ROBO2: variants seen among roughly 807,000 people sequenced by gnomAD.
ROBO2 encodes the protein roundabout homolog 2.
ROBO2 carries 53 observed loss-of-function variants against 160.8 expected under a neutral mutation model. That is an observed-to-expected ratio of 0.33 (90% CI 0.26 to 0.41). The LOEUF (loss-of-function observed/expected upper bound fraction) is 0.41, where lower values mean the gene tolerates loss of function less well. Ranked by LOEUF, ROBO2 falls within the 10% of genes least tolerant of loss-of-function variation. The probability of loss-of-function intolerance (pLI) is 1.00; values close to 1 mark genes in which losing one functional copy is unlikely to be tolerated. For synonymous variants in ROBO2, 664 were observed against 611.7 expected (o/e 1.09, Z -1.26); for missense variants, 1,577 against 1,722.4 (o/e 0.92, Z 1.49).
chr3:76,345,323 G>T (rs910339460), intron 2 of ROBO2, among the ~76,000 whole-genome samples: 1 of 151,854 alleles, frequency 6.6e-6, no homozygotes, highest in Non-Finnish European at 1.5e-5. Context: ...TTTTTCTGTC[G>T]CTCTTTGTAA....
intron 2 of ROBO2, among the ~76,000 whole-genome samples, chr3:76,567,652 T>TATATAC (rs1404175553): frequency 1.6e-5 from 1 of 63,956 alleles, no homozygotes; most frequent in African/African-American, 6.5e-5. Context: ...TATATATATA[T>TATATAC]ACACATACAC....
At chr3:76,270,413 A>G (rs575400251) in intron 2 of ROBO2, among the ~76,000 whole-genome samples, 6 of 152,156 alleles carry the variant, frequency 3.9e-5, no homozygotes, top group African/African-American at 1.4e-4. Context: ...ATGTCTTCCA[A>G]TTTTGTATAA....
At chr3:77,565,047 A>G in exon 12 of ROBO2, 1 of 1,613,722 alleles carries the variant, frequency 6.2e-7, no homozygotes, top group Non-Finnish European at 8.5e-7. Context: ...CAATCTACTT[A>G]TTCATGGTCA....
intron 2 of ROBO2, among the ~76,000 whole-genome samples, chr3:75,997,918 G>C (rs1422155492): frequency 6.6e-6 from 1 of 152,124 alleles, no homozygotes; most frequent in Non-Finnish European, 1.5e-5. Context: ...AGTACCACCT[G>C]TTCAAGCTAT....
At chr3:77,437,610 C>T (rs1051549320) in intron 2 of ROBO2, among the ~76,000 whole-genome samples, 1 of 151,878 alleles carries the variant, frequency 6.6e-6, no homozygotes, top group Non-Finnish European at 1.5e-5. Flanking sequence ...ACATGTTTAA[C>T]CTTTCTAAGT....
chr3:77,197,741 G>T (rs2082435245), intron 2 of ROBO2, among the ~76,000 whole-genome samples: 1 of 152,188 alleles, frequency 6.6e-6, no homozygotes, highest in African/African-American at 2.4e-5. Context: ...TTATTTTATG[G>T]CTCAAAAGGG....
chr3:76,484,332 A>G (rs929234534), intron 2 of ROBO2, among the ~76,000 whole-genome samples: 2 of 152,176 alleles, frequency 1.3e-5, no homozygotes, highest in African/African-American at 4.8e-5. Context: ...AATGTAAAAT[A>G]TATGTGCTTT....
At chr3:75,953,777 A>T (rs1948632371) in intron 2 of ROBO2, among the ~76,000 whole-genome samples, 1 of 151,906 alleles carries the variant, frequency 6.6e-6, no homozygotes, top group Middle Eastern at 3.2e-3. Context: ...GTAATTTCTC[A>T]ATTCAAGAAC....
At chr3:77,447,784 G>T (rs2080709071) in intron 2 of ROBO2, among the ~76,000 whole-genome samples, 1 of 152,084 alleles carries the variant, frequency 6.6e-6, no homozygotes, top group South Asian at 2.1e-4. Flanking sequence ...AAGATAGAAA[G>T]AATCCATATA....
intron 2 of ROBO2, among the ~76,000 whole-genome samples, chr3:75,955,223 C>A (rs1948680594): frequency 6.6e-6 from 1 of 151,728 alleles, no homozygotes; most frequent in South Asian, 2.1e-4. Context: ...GGTTTAATAT[C>A]ATTATTTAAT....
At chr3:77,076,529 A>T (rs1160528562) in intron 1 of ROBO2, among the ~76,000 whole-genome samples, 3 of 152,130 alleles carry the variant, frequency 2.0e-5, no homozygotes. Flanking sequence ...TGTTATTCTC[A>T]TAATGAGTAA....
chr3:76,184,550 TA>T (rs1374457255), intron 2 of ROBO2, among the ~76,000 whole-genome samples: 2 of 61,368 alleles, frequency 3.3e-5, no homozygotes, highest in Non-Finnish European at 7.8e-5. Flanking sequence ...AGGAGATAGA[TA>T]GATAGATAGA....
chr3:76,388,216 A>G (rs1472214886), intron 2 of ROBO2, among the ~76,000 whole-genome samples: 1 of 152,118 alleles, frequency 6.6e-6, no homozygotes, highest in Non-Finnish European at 1.5e-5. Context: ...TACTTGTTGT[A>G]AAGGAACATT....
chr3:76,853,543 C>T (rs1326014274), intron 2 of ROBO2, among the ~76,000 whole-genome samples: 1 of 152,064 alleles, frequency 6.6e-6, no homozygotes. Flanking sequence ...AAATTTACTG[C>T]AAATTTGTAG....
chr3:77,557,350 A>T (rs1582926202), intron 8 of ROBO2, among the ~76,000 whole-genome samples: 1 of 151,960 alleles, frequency 6.6e-6, no homozygotes, highest in African/African-American at 2.4e-5. Flanking sequence ...AAATGATATG[A>T]CTGTAATTTG....
chr3:75,983,893 G>A (rs571951932), intron 2 of ROBO2, among the ~76,000 whole-genome samples: 11 of 151,482 alleles, frequency 7.3e-5, no homozygotes, highest in Middle Eastern at 3.4e-3. Context: ...AACTAGTTTC[G>A]TTTGTCTTAT....
In ROBO2 at chr3:76,167,815, A is replaced by G. The variant is rs576287935; in HGVS notation, c.109+230213A>G. On this transcript the variant is annotated intron_variant, in intron 2 of 26. Transcript: ENST00000487694. ...TAACAGTAGATTTGTGTTCTAAAGG[A>G]AACAATAGGTTGGAATGCATAATTT... Among the ~76,000 whole-genome samples, 17 of 152,320 alleles carry G rather than the reference A, an allele frequency of 1.1e-4. No homozygotes were observed. In the South Asian group the frequency reaches 3.3e-3, roughly 30 times the overall value.
chr3:76,625,790 C>T (rs1196343141), intron 2 of ROBO2, among the ~76,000 whole-genome samples: 1 of 152,124 alleles, frequency 6.6e-6, no homozygotes, highest in Non-Finnish European at 1.5e-5. Flanking sequence ...TCATACAGGA[C>T]TTGTAAGCCA....
intron 2 of ROBO2, among the ~76,000 whole-genome samples, chr3:76,047,213 T>G (rs2067480826): frequency 6.6e-6 from 1 of 152,202 alleles, no homozygotes; most frequent in Non-Finnish European, 1.5e-5. Flanking sequence ...TTATAAGCCA[T>G]GCTAATCCTA....
Sources: allele counts gnomAD v4.1 joint callset (sites outside exome capture counted in the v4.1 genomes callset), GRCh38; gene constraint gnomAD v4.1.1; transcripts MANE v1.5; gene names NCBI Gene and HGNC (gene_info 2026-07-23, HGNC 2026-07-21).